The following SYCP2 variants were observed in gnomAD, a reference collection of about 807,000 sequenced individuals.
SYCP2 encodes synaptonemal complex protein 2.
SYCP2 carries 55 observed loss-of-function variants against 211.3 expected under a neutral mutation model. The ratio of observed to expected loss-of-function variants is 0.26; its 90% CI spans 0.21 to 0.33. The LOEUF is 0.33. SYCP2 is among the 10% of genes least tolerant of loss of function. The pLI is 1.00. For missense variants in SYCP2, 1,731 were observed against 1,752.0 expected (o/e 0.99, Z 0.21); for synonymous variants, 570 against 555.2 (o/e 1.03, Z -0.37).
rs2059469324 is a variant in SYCP2, at chr20:59,872,380, CTCAGT to C, written c.3555+1471_3555+1475del. Among the ~76,000 whole-genome samples the C allele has an allele frequency of 2.0e-5, 3 of 152,082 alleles. No homozygotes were observed. The South Asian group carries it at 6.2e-4, about 32-fold the overall frequency. The stretch of plus-strand genomic sequence containing the variant: ...TGCCTGTTAGTCAAGTAATAGCCAT[CTCAGT>C]TATCAGATTGACTGTGGAGATATCG... On this transcript the variant is annotated intron_variant, in intron 35 of 44. Transcript: ENST00000357552.
rs2060333450 is a variant in SYCP2 at position 59,911,765 on chromosome 20, A to C, written c.957T>G (p.Ile319Met). 6.4e-7 allele frequency: 1 copy of C among 1,565,988 alleles called. No homozygotes were observed. The highest frequency in any genetic ancestry group is 1.2e-5 in the South Asian group (1 of 84,462). The part of the protein sequence containing the change: ...NLGSQTLSFY[I>M]AGDNDDHQWE... ...TTAAACTTACATCATTATCTCCAGC[A>C]ATGTAGAATGAGAGAGTCTGACTCC... The change falls in exon 14 of 45, where the codon ATT becomes ATG. Residue 319 changes from isoleucine (I) to methionine (M), a missense_variant. Ile to Met is a conservative substitution (Grantham distance 10). Transcript: ENST00000357552.
intron 14 of SYCP2, among the ~76,000 whole-genome samples, chr20:59,909,494 A>G (rs2060275274): frequency 6.6e-6 from 1 of 152,076 alleles, no homozygotes; most frequent in Admixed American, 6.6e-5. Context: ...CTTTTTATCC[A>G]TTCTCCCCAG....
Position 59,881,522 on chromosome 20 carries a change from G to T in SYCP2, c.2659-30C>A. 5 of 1,104,886 alleles carry T rather than the reference G, an allele frequency of 4.5e-6. No individual in the cohort carries two copies. The East Asian group carries it at 8.2e-5, about 18-fold the overall frequency. 68.4% of individuals were successfully genotyped at this position (1,104,886 alleles called of 1,614,324 possible). A position where few individuals can be genotyped will look rare whatever the true frequency, so the allele number is the denominator to read the frequency against. ...ATTGTAAATAAACAAAAAAAAAGAG[G>T]TGTCAGTGTCAAAATAAAAAAGATT... On this transcript the variant is annotated intron_variant, in intron 28 of 44. Transcript: ENST00000357552.
chr20:59,908,246 C>G (rs2060248855), intron 14 of SYCP2, among the ~76,000 whole-genome samples: 1 of 151,924 alleles, frequency 6.6e-6, no homozygotes, highest in South Asian at 2.1e-4. Context: ...GAGACTCCAT[C>G]TCAAACAAAA....
intron 21 of SYCP2, 148 bp from the exon 22 acceptor site, chr20:59,893,347 T>C (rs1479423520): frequency 1.3e-6 from 1 of 749,064 alleles, no homozygotes; most frequent in Non-Finnish European, 2.1e-6. Flanking sequence ...CCCAAACTTC[T>C]GGGGAACAAA....
chr20:59,913,017 T>C (rs2060361464), intron 12 of SYCP2, among the ~76,000 whole-genome samples: 1 of 152,240 alleles, frequency 6.6e-6, no homozygotes, highest in South Asian at 2.1e-4. Flanking sequence ...GTCTCCAGTA[T>C]GTCTTTATCA....
At position 59,922,382 on chromosome 20, in the gene SYCP2, C is replaced by A. The variant is rs775120601; in HGVS notation, c.24+8G>T. 2.6e-6 allele frequency: 4 copies of A among 1,565,290 alleles called. No individual in the cohort carries two copies. In the Admixed American group the frequency reaches 8.2e-5, roughly 32 times the overall value. ...GAAAATACTTACTTTTGGTCTAGGA[C>A]TACATACCTGGAGATCTGGTCTTAT... On this transcript the variant is annotated splice_region_variant and intron_variant, in intron 3 of 44. Transcript: ENST00000357552.
intron 4 of SYCP2, 65 bp downstream of exon 4, chr20:59,921,245 T>A: frequency 7.0e-7 from 1 of 1,421,060 alleles, no homozygotes; most frequent in Non-Finnish European, 9.5e-7. Flanking sequence ...AATGGAGTAC[T>A]TCCTTCTAAA....
rs114773342 is a variant in SYCP2 at position 59,915,738 on chromosome 20, A to G, written c.514-188T>C. The G allele has an allele frequency of 3.1e-3, 1,308 of 426,616 alleles. 15 individuals carry two copies. The highest frequency in any genetic ancestry group is 0.024 in the African/African-American group (1,168 of 48,826). The allele number at this position is 426,616 out of a possible 1,614,324, so 26.4% of individuals were successfully genotyped here. ...TAGGCCAGGCATGGTGGCTCACTAT[A>G]ATACCAGCACTTTGGGAGGCCAAGG... On this transcript the variant is annotated intron_variant, in intron 8 of 44. Coordinates refer to ENST00000357552, the MANE Select transcript of SYCP2 (RefSeq NM_014258.4).
chr20:59,900,366 C>G, intron 17 of SYCP2, 82 bp from the exon 18 acceptor site: 1 of 1,167,388 alleles, frequency 8.6e-7, no homozygotes. Flanking sequence ...TCTTAAGCTC[C>G]TACTCATCTC....
chr20:59,916,155 A>ATT (rs1270078363), intron 8 of SYCP2, among the ~76,000 whole-genome samples: 99 of 152,278 alleles, frequency 6.5e-4, no homozygotes, highest in African/African-American at 2.3e-3. Context: ...GAGGAAGCCA[A>ATT]AAAATGTTAC....
At chr20:59,924,201 C>T (rs1316625719) in intron 2 of SYCP2, among the ~76,000 whole-genome samples, 1 of 151,854 alleles carries the variant, frequency 6.6e-6, no homozygotes, top group Non-Finnish European at 1.5e-5. Flanking sequence ...AAACCCACTC[C>T]TATCTTCCTA....
Position 59,880,843 on chromosome 20 carries a change from G to A in SYCP2, c.2772+123C>T, listed in dbSNP as rs188126779. On this transcript the variant is annotated intron_variant, in intron 30 of 44. Coordinates refer to ENST00000357552, the MANE Select transcript of SYCP2 (RefSeq NM_014258.4). ...ACCATAAGAAAATTCATAATAGGAAGGTGGATAGTTGCATAAATAAAACAA... is the reference window on the plus strand; with the variant it reads ...ACCATAAGAAAATTCATAATAGGAAAGTGGATAGTTGCATAAATAAAACAA... 1,537 of 501,442 alleles carry A rather than the reference G, an allele frequency of 3.1e-3. 17 individuals are homozygous for A. Among genetic ancestry groups the A allele is most frequent in the Non-Finnish European group, 3.6e-4 (103 of 284,978 alleles). The allele number at this position is 501,442 out of a possible 1,614,324, so 31.1% of individuals were successfully genotyped here.
At chr20:59,923,192 T>C (rs541045038) in intron 2 of SYCP2, among the ~76,000 whole-genome samples, 1 of 152,076 alleles carries the variant, frequency 6.6e-6, no homozygotes. Context: ...CTTCAAACAA[T>C]CCTATCTTGT....
chr20:59,876,321 A>C lies in SYCP2; in HGVS notation c.3151-852T>G, dbSNP rs2059553233. 3.7e-5 allele frequency among the ~76,000 whole-genome samples: 5 copies of C among 136,854 alleles called. No individual in the cohort carries two copies. The South Asian group carries it at 1.2e-3, about 33-fold the overall frequency. The allele number at this position is 136,854 out of a possible 152,430, so 89.8% of individuals were successfully genotyped here. A position where few individuals can be genotyped will look rare whatever the true frequency, so the allele number is the denominator to read the frequency against. ...TGGAGGCGGAGGTTGCAGTGAACCA[A>C]GATGACACCACTGCACTCCAGCCTG... On this transcript the variant is annotated intron_variant, in intron 33 of 44. Transcript: ENST00000357552.
rs187603951 is a variant in SYCP2 at position 59,893,077 on chromosome 20, C to T, written c.1793+65G>A. The stretch of plus-strand genomic sequence containing the variant: ...CATATACAGTCCTTTTCCTCCAAAT[C>T]TGTTACATTCACTGAAAACAGCATT... On this transcript the variant is annotated intron_variant, in intron 22 of 44. Coordinates refer to ENST00000357552, the MANE Select transcript of SYCP2 (RefSeq NM_014258.4). 30 of 1,116,196 alleles carry T rather than the reference C, an allele frequency of 2.7e-5. 1 individual carries two copies. In the Middle Eastern group the frequency reaches 1.1e-3, roughly 40 times the overall value. The allele number at this position is 1,116,196 out of a possible 1,614,324, so 69.1% of individuals were successfully genotyped here.
intron 34 of SYCP2, among the ~76,000 whole-genome samples, chr20:59,874,960 G>A (rs983273886): frequency 7.9e-5 from 12 of 151,300 alleles, no homozygotes; most frequent in Non-Finnish European, 1.5e-4. Flanking sequence ...AATATATATT[G>A]AGCTAAAAAA....
At chr20:59,914,352 AAT>A (rs1472778209) in intron 10 of SYCP2, 101 bp from the exon 11 acceptor site, 1 of 583,612 alleles carries the variant, frequency 1.7e-6, no homozygotes, top group African/African-American at 1.9e-5. Flanking sequence ...GAGAAATAAG[AAT>A]ATATTAATGT....
chr20:59,920,211 T>C (rs1233442289), intron 5 of SYCP2, 148 bp downstream of exon 5: 2 of 691,814 alleles, frequency 2.9e-6, no homozygotes, highest in African/African-American at 3.6e-5. Flanking sequence ...ATTTGTAACA[T>C]ATATCACAAG....
Sources: gnomAD v4.1 joint callset for allele counts (sites outside exome capture counted in the v4.1 genomes callset) on GRCh38, gnomAD v4.1.1 for gene constraint, MANE v1.5 for transcripts, NCBI Gene and HGNC (gene_info 2026-07-23, HGNC 2026-07-21) for gene names.